Variants in CNTLN observed in about 807,000 individuals in gnomAD.
The protein encoded by CNTLN is centlein, centrosomal protein.
In CNTLN, 212 loss-of-function variants were observed where a neutral mutation model predicts 180.0. The ratio of observed to expected loss-of-function variants is 1.18; its 90% CI spans 1.05 to 1.32. CNTLN has a LOEUF of 1.32. Among genes scored for constraint, CNTLN ranks in the 40% most tolerant of loss-of-function variants. The pLI, the probability that CNTLN is intolerant of heterozygous loss-of-function variation, is 0.00. For synonymous variants in CNTLN, 722 were observed against 563.1 expected (o/e 1.28, Z -3.99); for missense variants, 2,095 against 1,610.9 (o/e 1.30, Z -5.14).
intron 2 of CNTLN, among the ~76,000 whole-genome samples, chr9:17,155,427 G>T (rs557289703): frequency 6.6e-6 from 1 of 152,200 alleles, no homozygotes; most frequent in Non-Finnish European, 1.5e-5. Context: ...ATAAGCCCCT[G>T]ACTGGGGCTG....
intron 25 of CNTLN, among the ~76,000 whole-genome samples, chr9:17,492,265 T>TTTTCTTTCTTTC (rs140003186): frequency 4.4e-4 from 67 of 151,988 alleles, no homozygotes; most frequent in African/African-American, 1.6e-3. Flanking sequence ...TGTAATTCCT[T>TTTTCTTTCTTTC]TTTCTTTCTT....
chr9:17,457,771 A>G, intron 19 of CNTLN, 56 bp downstream of exon 19: 1 of 1,078,320 alleles, frequency 9.3e-7, no homozygotes, highest in East Asian at 3.0e-5. Context: ...ATCCTGCAAG[A>G]CATATTTATA....
At chr9:17,355,107 A>G (rs1033036370) in intron 12 of CNTLN, among the ~76,000 whole-genome samples, 3 of 152,164 alleles carry the variant, frequency 2.0e-5, no homozygotes, top group African/African-American at 7.2e-5. Flanking sequence ...TAAGAGCTGT[A>G]ACACTCACCG....
chr9:17,190,166 G>A (rs895983649), intron 2 of CNTLN, among the ~76,000 whole-genome samples: 8 of 147,896 alleles, frequency 5.4e-5, no homozygotes, highest in Non-Finnish European at 1.2e-4. Flanking sequence ...CTAGTAAGCC[G>A]GGGGCAATCA....
At chr9:17,458,304 T>C (rs1831256592) in intron 19 of CNTLN, among the ~76,000 whole-genome samples, 1 of 152,010 alleles carries the variant, frequency 6.6e-6, no homozygotes, top group African/African-American at 2.4e-5. Context: ...TAGAATTACT[T>C]TGTAAGAAAT....
intron 2 of CNTLN, among the ~76,000 whole-genome samples, chr9:17,184,297 G>A (rs762938180): frequency 4.7e-5 from 7 of 148,114 alleles, no homozygotes; most frequent in African/African-American, 1.3e-4. Flanking sequence ...TTCAAATTAC[G>A]TAAACATGAA....
chr9:17,427,537 G>A (rs779087763), intron 18 of CNTLN, among the ~76,000 whole-genome samples: 6 of 151,978 alleles, frequency 3.9e-5, no homozygotes, highest in Non-Finnish European at 7.4e-5. Flanking sequence ...ACTTTCAGTG[G>A]CTGTTTTCTT....
At chr9:17,301,943 C>T (rs979631133) in intron 7 of CNTLN, 8 of 930,814 alleles carry the variant, frequency 8.6e-6, no homozygotes, top group Admixed American at 6.2e-5. Flanking sequence ...TAACATATAA[C>T]TATTTTAGAT....
the CNTLN span, among the ~76,000 whole-genome samples, chr9:17,509,168 C>A: frequency 6.6e-6 from 1 of 152,178 alleles, no homozygotes; most frequent in African/African-American, 2.4e-5. Flanking sequence ...TTTTCACTCA[C>A]CAAGGCTGAC....
rs895612900 is a variant in CNTLN at position 17,251,276 on chromosome 9, T to G, written c.849+14688T>G. ...TTGGAGTTTATTGAGGTTTTTGGAT[T>G]TGTAGATTCATATCTTTCATCACAT... is the stretch of plus-strand genomic sequence containing the variant. On this transcript the variant is annotated intron_variant, in intron 5 of 25. Transcript: ENST00000380647. Among the ~76,000 whole-genome samples, 16 of 152,094 alleles carry G rather than the reference T, an allele frequency of 1.1e-4. No homozygotes were observed. In the South Asian group the frequency reaches 1.5e-3, roughly 14 times the overall value.
At chr9:17,155,391 G>C (rs1269467649) in intron 2 of CNTLN, among the ~76,000 whole-genome samples, 1 of 152,196 alleles carries the variant, frequency 6.6e-6, no homozygotes, top group Non-Finnish European at 1.5e-5. Context: ...CTTTAGAGCT[G>C]TCAGACAGGG....
chr9:17,306,905 A>T (rs948512510), intron 7 of CNTLN, among the ~76,000 whole-genome samples: 19 of 152,136 alleles, frequency 1.2e-4, no homozygotes, highest in Non-Finnish European at 2.9e-5. Flanking sequence ...GTCACTCATC[A>T]TAGCTTCAAC....
At position 17,263,558 on chromosome 9, in the gene CNTLN, A is replaced by C. The variant is rs528401781; in HGVS notation, c.850-10175A>C. Among the ~76,000 whole-genome samples the C allele has an allele frequency of 2.0e-3, 301 of 151,698 alleles. 2 individuals carry two copies. Among genetic ancestry groups the C allele is most frequent in the African/African-American group, 6.9e-3 (283 of 41,144 alleles). ...TTTATAATCCTTTGGGTGTATACCC[A>C]GTAATGGGATGGCTGGGTCAAATGG... is the stretch of plus-strand genomic sequence containing the variant. On this transcript the variant is annotated intron_variant, in intron 5 of 25. Transcript: ENST00000380647.
chr9:17,465,507 T>G (rs1831695536), intron 21 of CNTLN, among the ~76,000 whole-genome samples: 1 of 150,390 alleles, frequency 6.6e-6, no homozygotes, highest in Admixed American at 6.7e-5. Context: ...CTGTTATGCT[T>G]TGAGTTACAT....
At position 17,482,081 on chromosome 9, in the gene CNTLN, C is replaced by T. The variant is rs958574947; in HGVS notation, c.3856-2214C>T. 1.4e-4 allele frequency among the ~76,000 whole-genome samples: 22 copies of T among 152,154 alleles called. 1 individual carries two copies. The highest frequency in any genetic ancestry group is 3.9e-4 in the East Asian group (2 of 5,172). ...ACATAATCAAAGGAAAATAATAAAG[C>T]GCAAATAATTAACCCTAAGTAAATG... On this transcript the variant is annotated intron_variant, in intron 23 of 25. Coordinates refer to ENST00000380647, the MANE Select transcript of CNTLN (RefSeq NM_017738.4).
intron 23 of CNTLN, among the ~76,000 whole-genome samples, chr9:17,481,203 T>C (rs893385504): frequency 6.6e-6 from 1 of 151,918 alleles, no homozygotes; most frequent in Non-Finnish European, 1.5e-5. Flanking sequence ...GCCCTGCCCA[T>C]TTGCTAAGCA....
chr9:17,277,899 A>G (rs1828415549), intron 6 of CNTLN, among the ~76,000 whole-genome samples: 1 of 152,152 alleles, frequency 6.6e-6, no homozygotes, highest in Non-Finnish European at 1.5e-5. Flanking sequence ...AAGACTCACT[A>G]TCATAAAGAT....
At chr9:17,242,435 G>A in intron 5 of CNTLN, among the ~76,000 whole-genome samples, 1 of 152,080 alleles carries the variant, frequency 6.6e-6, no homozygotes, top group Non-Finnish European at 1.5e-5. Flanking sequence ...AGCTTCCTGA[G>A]TAACTGGGAT....
chr9:17,185,574 A>G (rs986703262), intron 2 of CNTLN, among the ~76,000 whole-genome samples: 1 of 151,908 alleles, frequency 6.6e-6, no homozygotes, highest in African/African-American at 2.4e-5. Context: ...CCCTGTTAAT[A>G]TCTCTTGGTT....
Sources: allele counts gnomAD v4.1 joint callset (sites outside exome capture counted in the v4.1 genomes callset), GRCh38; gene constraint gnomAD v4.1.1; transcripts MANE v1.5; gene names NCBI Gene and HGNC (gene_info 2026-07-23, HGNC 2026-07-21).